Variants in COLEC10 observed in about 807,000 individuals in gnomAD.
COLEC10 encodes collectin-10.
In COLEC10, 22 loss-of-function variants were observed where a neutral mutation model predicts 28.4. That is an observed-to-expected ratio of 0.78 (90% confidence interval 0.55 to 1.11). COLEC10 has a LOEUF of 1.11. Among genes scored for constraint, COLEC10 ranks in the 50% least tolerant of loss-of-function variants. COLEC10 has a pLI of 0.00. For missense variants in COLEC10, 361 were observed against 344.1 expected (o/e 1.05, Z -0.39); for synonymous variants, 125 against 116.1 (o/e 1.08, Z -0.49).
Position 119,034,416 on chromosome 8 carries a change from A to T in COLEC10, n.235+24863A>T, listed in dbSNP as rs547618384. On this transcript the variant is annotated intron_variant and non_coding_transcript_variant, in intron 2 of 6. Coordinates refer to the COLEC10 transcript ENST00000521788. Reference sequence around the variant, plus strand: ...ATGTATCCCAGAACTTACAGTATTTAAAAAAAAAAAAAAAGGCCAGGTGCG... The same window carrying T: ...ATGTATCCCAGAACTTACAGTATTTTAAAAAAAAAAAAAAGGCCAGGTGCG... Among the ~76,000 whole-genome samples the T allele has an allele frequency of 6.4e-3, 731 of 114,498 alleles. 3 individuals are homozygous for T. The highest frequency in any genetic ancestry group is 0.024 in the African/African-American group (521 of 22,044). The allele number at this position is 114,498 out of a possible 152,430, so 75.1% of individuals were successfully genotyped here.
intron 2 of COLEC10, among the ~76,000 whole-genome samples, chr8:119,017,800 T>G (rs1814021272): frequency 6.6e-6 from 1 of 152,188 alleles, no homozygotes. Context: ...ACACAAATCC[T>G]GGCCCATAGT....
At chr8:118,990,876 T>A (rs576370952), upstream of COLEC10, among the ~76,000 whole-genome samples, 1 of 151,794 alleles carries the variant, frequency 6.6e-6, no homozygotes, top group Non-Finnish European at 1.5e-5. Flanking sequence ...TTAAAAGTCA[T>A]CCTTGGAAAG....
intron 2 of COLEC10, among the ~76,000 whole-genome samples, chr8:119,037,976 G>C (rs1814420619): frequency 6.6e-6 from 1 of 152,166 alleles, no homozygotes; most frequent in Non-Finnish European, 1.5e-5. Context: ...CACAAACACA[G>C]AGTTTGACAC....
upstream of COLEC10, among the ~76,000 whole-genome samples, chr8:118,993,296 C>T (rs372228005): frequency 6.6e-6 from 1 of 151,986 alleles, no homozygotes; most frequent in Non-Finnish European, 1.5e-5. Context: ...ACATAGATGT[C>T]TTTTCTGTTT....
At chr8:119,005,273 C>T (rs887020749) in intron 1 of COLEC10, among the ~76,000 whole-genome samples, 1 of 152,084 alleles carries the variant, frequency 6.6e-6, no homozygotes, top group African/African-American at 2.4e-5. Flanking sequence ...TAACTCTAAC[C>T]CATTGAGAGC....
chr8:119,084,068 A>G (rs969006649), intron 1 of COLEC10, among the ~76,000 whole-genome samples: 3 of 152,330 alleles, frequency 2.0e-5, no homozygotes, highest in African/African-American at 7.2e-5. Flanking sequence ...TGTTTTTATT[A>G]AAAGACATAC....
At chr8:119,004,053 A>G (rs1302570134) in intron 1 of COLEC10, among the ~76,000 whole-genome samples, 2 of 152,124 alleles carry the variant, frequency 1.3e-5, no homozygotes, top group Non-Finnish European at 2.9e-5. Flanking sequence ...TAACCTAACT[A>G]TAACCCATCC....
intron 2 of COLEC10, among the ~76,000 whole-genome samples, chr8:119,010,922 G>T (rs530883153): frequency 6.6e-6 from 1 of 150,908 alleles, no homozygotes; most frequent in Non-Finnish European, 1.5e-5. Flanking sequence ...TATGTCTTAC[G>T]TCTTTCTCTC....
At chr8:119,099,355 T>A (rs1364653364) in intron 3 of COLEC10, among the ~76,000 whole-genome samples, 1 of 152,096 alleles carries the variant, frequency 6.6e-6, no homozygotes, top group Non-Finnish European at 1.5e-5. Flanking sequence ...TTAACATTGG[T>A]TGAGCATTCT....
the COLEC10 span, among the ~76,000 whole-genome samples, chr8:118,961,441 G>C: frequency 2.0e-5 from 3 of 152,316 alleles, no homozygotes; most frequent in South Asian, 6.2e-4. Flanking sequence ...TGAAAGCTGT[G>C]GGTGGGTGCC....
At chr8:118,977,363 A>G in the COLEC10 span, among the ~76,000 whole-genome samples, 1 of 148,856 alleles carries the variant, frequency 6.7e-6, no homozygotes, top group Admixed American at 6.7e-5. Flanking sequence ...ATGTCCAACA[A>G]TGATAGACTG....
the COLEC10 span, among the ~76,000 whole-genome samples, chr8:118,964,582 G>A: frequency 2.0e-5 from 3 of 152,120 alleles, no homozygotes; most frequent in African/African-American, 7.2e-5. Context: ...TTTCTGTAGG[G>A]CACTGAAGAA....
intron 2 of COLEC10, among the ~76,000 whole-genome samples, chr8:119,057,131 G>C (rs1323497222): frequency 6.6e-6 from 1 of 151,946 alleles, no homozygotes. Context: ...GAGGTGACTG[G>C]ATCATGAGGG....
chr8:119,105,352 T>G (rs566482335), intron 5 of COLEC10, among the ~76,000 whole-genome samples: 4 of 152,224 alleles, frequency 2.6e-5, no homozygotes, highest in East Asian at 3.9e-4. Context: ...AGACTTCTTA[T>G]AGGGGAAAAT....
intron 3 of COLEC10, among the ~76,000 whole-genome samples, chr8:119,101,722 C>G (rs574383594): frequency 4.6e-4 from 70 of 152,250 alleles, no homozygotes; most frequent in African/African-American, 1.7e-3. Flanking sequence ...AAGCACCCAG[C>G]CTTTTGGTTT....
At chr8:119,079,546 G>A (rs913536436) in intron 1 of COLEC10, among the ~76,000 whole-genome samples, 2 of 152,144 alleles carry the variant, frequency 1.3e-5, no homozygotes, top group African/African-American at 4.8e-5. Context: ...AAGGCTGAAG[G>A]AAACCTGCCT....
chr8:119,048,575 TTTA>T (rs1200222360), intron 2 of COLEC10, among the ~76,000 whole-genome samples: 1 of 152,238 alleles, frequency 6.6e-6, no homozygotes, highest in Non-Finnish European at 1.5e-5. Context: ...GATTTTATCT[TTTA>T]TTATTATGTA....
At chr8:119,015,333 C>T (rs1248638202) in intron 2 of COLEC10, among the ~76,000 whole-genome samples, 3 of 150,814 alleles carry the variant, frequency 2.0e-5, no homozygotes, top group Non-Finnish European at 2.9e-5. Flanking sequence ...TTAGGTAGGA[C>T]AGGATGGCTG....
rs537006300 is a variant in COLEC10, at chr8:119,034,484, G to T, written n.235+24931G>T. 2.0e-5 allele frequency among the ~76,000 whole-genome samples: 3 copies of T among 151,730 alleles called. No individual in the cohort carries two copies. The East Asian group carries it at 5.8e-4, about 29-fold the overall frequency. ...TCACAGTACTTTGGGAGGCCAAGGC[G>T]GGTGGATCACAAGGTCAGGAGTTCA... On this transcript the variant is annotated intron_variant and non_coding_transcript_variant, in intron 2 of 6. Coordinates refer to the COLEC10 transcript ENST00000521788.
Sources: allele counts gnomAD v4.1 joint callset (sites outside exome capture counted in the v4.1 genomes callset), GRCh38; gene constraint gnomAD v4.1.1; transcripts MANE v1.5; gene names NCBI Gene and HGNC (gene_info 2026-07-23, HGNC 2026-07-21).